Variants in PACRG observed in about 807,000 individuals in gnomAD.
The protein encoded by PACRG is parkin coregulated, also known as parkin coregulated gene protein.
Under a neutral mutation model 29.7 loss-of-function variants are expected in PACRG, and 29 were observed. That is an observed-to-expected ratio of 0.98 (90% confidence interval 0.73 to 1.33). PACRG has a LOEUF of 1.33. Ranked by LOEUF, PACRG falls within the 40% of genes most tolerant of loss-of-function variation. PACRG has a pLI of 0.00. For synonymous variants in PACRG, 116 were observed against 118.7 expected (o/e 0.98, Z 0.15); for missense variants, 279 against 316.2 (o/e 0.88, Z 0.89).
chr6:162,973,764 A>ATGTG (rs113495406), intron 2 of PACRG, among the ~76,000 whole-genome samples: 2 of 151,384 alleles, frequency 1.3e-5, no homozygotes, highest in South Asian at 2.1e-4. Flanking sequence ...GTGTGTGTGT[A>ATGTG]TGTGTGTGTG....
At chr6:163,247,620 A>G (rs4708983) in intron 4 of PACRG, among the ~76,000 whole-genome samples, 42,021 of 151,988 alleles carry the variant, frequency 0.28, 5,896 homozygotes, top group Middle Eastern at 0.38. Flanking sequence ...TTTTAAAAGC[A>G]TTACTTAAAA....
chr6:162,752,438 T>C (rs1781581904), intron 1 of PACRG, among the ~76,000 whole-genome samples: 5 of 152,192 alleles, frequency 3.3e-5, no homozygotes, highest in Admixed American at 3.3e-4. Context: ...CAGTATCCAG[T>C]AACATCAAGT....
chr6:162,917,061 C>A (rs764925805), intron 2 of PACRG, among the ~76,000 whole-genome samples: 2 of 152,106 alleles, frequency 1.3e-5, no homozygotes, highest in Non-Finnish European at 2.9e-5. Context: ...GGAGTCTGGG[C>A]CTTGCAAGTT....
intron 2 of PACRG, among the ~76,000 whole-genome samples, chr6:162,984,667 A>C (rs560363910): frequency 6.6e-6 from 1 of 151,838 alleles, no homozygotes; most frequent in Admixed American, 6.6e-5. Context: ...CACCACATCC[A>C]TGCCAACATC....
At chr6:163,182,543 T>C (rs1779721108) in intron 4 of PACRG, 1 of 152,242 alleles carries the variant, frequency 6.6e-6, no homozygotes, top group African/African-American at 2.4e-5. Context: ...TCATGTGGTA[T>C]CTTTCTTTAG....
intron 1 of PACRG, among the ~76,000 whole-genome samples, chr6:162,782,033 C>A (rs1434076023): frequency 6.6e-6 from 1 of 151,758 alleles, no homozygotes; most frequent in African/African-American, 2.4e-5. Flanking sequence ...CCCACATCAA[C>A]TATAAAGGCG....
intron 4 of PACRG, among the ~76,000 whole-genome samples, chr6:163,180,713 T>A (rs1398160385): frequency 6.6e-6 from 1 of 152,208 alleles, no homozygotes; most frequent in Non-Finnish European, 1.5e-5. Context: ...TTTACTCTTA[T>A]GAGCCACTTA....
intron 4 of PACRG, among the ~76,000 whole-genome samples, chr6:163,158,771 T>G (rs2128341137): frequency 6.6e-6 from 1 of 152,328 alleles, no homozygotes; most frequent in East Asian, 1.9e-4. Context: ...CTCCTCACAC[T>G]GCAGCAGGCA....
chr6:163,031,136 C>T (rs1807623135), intron 2 of PACRG, among the ~76,000 whole-genome samples: 1 of 152,180 alleles, frequency 6.6e-6, no homozygotes. Flanking sequence ...GAGGTGATAT[C>T]TGGAAGATTA....
rs544136117 is a variant in PACRG at position 162,904,108 on chromosome 6, T to G, written c.291+89827T>G. Among the ~76,000 whole-genome samples, 5 of 152,282 alleles carry G rather than the reference T, an allele frequency of 3.3e-5. No individual in the cohort carries two copies. In the East Asian group the frequency reaches 9.7e-4, roughly 29 times the overall value. ...ACAGCCTTGAAGCTAGATTCCTTCC[T>G]CCTCCTTCAGAACCTCAGCTTTTCC... is the stretch of plus-strand genomic sequence containing the variant. On this transcript the variant is annotated intron_variant, in intron 2 of 4. Coordinates refer to ENST00000366888, the MANE Select transcript of PACRG (RefSeq NM_001080379.2).
rs140475223 is a variant in PACRG, at chr6:163,220,324, G to C, written c.614-94503G>C. 2.4e-3 allele frequency among the ~76,000 whole-genome samples: 361 copies of C among 152,256 alleles called. 2 individuals carry two copies. Among genetic ancestry groups the C allele is most frequent in the African/African-American group, 8.4e-3 (351 of 41,542 alleles). ...CATACATTGTCTAATTTATCCAGGG[G>C]TGTGCTCCCAGTACTCAGGCCTCTT... On this transcript the variant is annotated intron_variant, in intron 4 of 4. Transcript: ENST00000366888.
chr6:162,829,548 A>G (rs1788565230), intron 2 of PACRG, among the ~76,000 whole-genome samples: 1 of 152,230 alleles, frequency 6.6e-6, no homozygotes. Flanking sequence ...ACAATTAGTC[A>G]TAAGTACAGT....
chr6:163,206,778 C>G (rs917720107), intron 4 of PACRG, among the ~76,000 whole-genome samples: 3 of 58,094 alleles, frequency 5.2e-5, no homozygotes, highest in African/African-American at 4.5e-4. Flanking sequence ...AGAACAGTCT[C>G]TTAAGTTTCC....
intron 4 of PACRG, among the ~76,000 whole-genome samples, chr6:163,300,333 G>T (rs1199669006): frequency 6.6e-6 from 1 of 152,196 alleles, no homozygotes; most frequent in Admixed American, 6.5e-5. Flanking sequence ...AAAGGGCCTA[G>T]GACCATGGCG....
intron 2 of PACRG, among the ~76,000 whole-genome samples, chr6:162,817,692 C>G (rs1787476869): frequency 6.6e-6 from 1 of 152,060 alleles, no homozygotes; most frequent in Admixed American, 6.5e-5. Context: ...TAAATAGCCA[C>G]GTGGTTACCA....
chr6:163,000,395 C>T lies in PACRG; in HGVS notation c.292-61755C>T, dbSNP rs560718943. 2.2e-4 allele frequency among the ~76,000 whole-genome samples: 34 copies of T among 152,248 alleles called. No homozygotes were observed. In the South Asian group the frequency reaches 6.0e-3, roughly 27 times the overall value. On this transcript the variant is annotated intron_variant, in intron 2 of 4. Coordinates refer to ENST00000366888, the MANE Select transcript of PACRG (RefSeq NM_001080379.2). ...TGTTGGAGATCACTTCCTGGGCTTT[C>T]GAGTGAGGGAACCCCCATTGCACTC...
At chr6:163,065,954 A>G (rs1035317003) in intron 3 of PACRG, among the ~76,000 whole-genome samples, 1 of 152,222 alleles carries the variant, frequency 6.6e-6, no homozygotes, top group Non-Finnish European at 1.5e-5. Context: ...TAGAACACAA[A>G]AGAGTTAAAA....
intron 4 of PACRG, among the ~76,000 whole-genome samples, chr6:163,258,897 T>C (rs1223871517): frequency 6.6e-6 from 1 of 152,194 alleles, no homozygotes; most frequent in Non-Finnish European, 1.5e-5. Context: ...ATCAACATCA[T>C]TATGATAAAA....
At chr6:163,116,087 G>A (rs1043857023) in intron 4 of PACRG, among the ~76,000 whole-genome samples, 1 of 152,186 alleles carries the variant, frequency 6.6e-6, no homozygotes, top group Non-Finnish European at 1.5e-5. Flanking sequence ...CAGTTGTAAG[G>A]AAATACCTGA....
Sources: allele counts gnomAD v4.1 joint callset (sites outside exome capture counted in the v4.1 genomes callset), GRCh38; gene constraint gnomAD v4.1.1; transcripts MANE v1.5; gene names NCBI Gene and HGNC (gene_info 2026-07-23, HGNC 2026-07-21).